Variants in NINL observed in about 807,000 individuals in gnomAD.
The protein encoded by NINL is ninein-like protein.
Under a neutral mutation model 160.3 loss-of-function variants are expected in NINL, and 153 were observed. That is an observed-to-expected ratio of 0.95 (90% CI 0.84 to 1.09). NINL has a LOEUF of 1.09. Among genes scored for constraint, NINL ranks in the 50% least tolerant of loss-of-function variants. NINL has a pLI of 0.00. For synonymous variants in NINL, 800 were observed against 734.8 expected, an observed-to-expected ratio of 1.09 and a Z score of -1.43; for missense variants, 1,829 against 1,764.0, an observed-to-expected ratio of 1.04 and a Z score of -0.66.
intron 2 of NINL, among the ~76,000 whole-genome samples, chr20:25,520,018 A>G (rs1271788857): frequency 2.3e-5 from 3 of 129,326 alleles, no homozygotes; most frequent in Non-Finnish European, 3.2e-5. Flanking sequence ...AAAAAAAAAA[A>G]GGCCAGAGAG....
At chr20:25,496,194 C>A (rs905326705) in intron 10 of NINL, among the ~76,000 whole-genome samples, 2 of 152,200 alleles carry the variant, frequency 1.3e-5, no homozygotes, top group Non-Finnish European at 2.9e-5. Flanking sequence ...TTTCTCTGGT[C>A]TATCCAGCCA....
intron 13 of NINL, among the ~76,000 whole-genome samples, chr20:25,487,682 A>G (rs1316248509): frequency 1.3e-5 from 2 of 152,268 alleles, no homozygotes; most frequent in Non-Finnish European, 2.9e-5. Flanking sequence ...CCTATGAAAG[A>G]ACCATGTGGT....
chr20:25,477,396 G>A (rs934579664), intron 16 of NINL, among the ~76,000 whole-genome samples: 1 of 152,210 alleles, frequency 6.6e-6, no homozygotes, highest in South Asian at 2.1e-4. Context: ...CCCCTCGGCC[G>A]TGCAGGCCAC....
chr20:25,542,673 C>T (rs1175089041), intron 1 of NINL, among the ~76,000 whole-genome samples: 1 of 107,960 alleles, frequency 9.3e-6, no homozygotes, highest in East Asian at 3.1e-4. Context: ...TGTTTCTTCA[C>T]TTCTCTAATA....
chr20:25,470,005 A>G lies in NINL; in HGVS notation c.3339T>C (p.Thr1113=). 2 of 1,614,032 alleles carry G rather than the reference A, an allele frequency of 1.2e-6. No homozygotes were observed. The highest frequency in any genetic ancestry group is 1.7e-6 in the Non-Finnish European group (2 of 1,179,874). Residue 1113 remains threonine, a synonymous_variant, in exon 18 of 24, where the codon ACT becomes ACC. Coordinates refer to ENST00000278886, the MANE Select transcript of NINL (RefSeq NM_025176.6). Reference sequence around the variant, plus strand: ...GTGGCCCTTACCTCTGTGCATCGTGAGTACTTTCTGCAGCTTCAAGCTCTT... The same window carrying G: ...GTGGCCCTTACCTCTGTGCATCGTGGGTACTTTCTGCAGCTTCAAGCTCTT... ...VRQELEAAES[T]HDAQRKEIEV... is the part of the protein sequence containing the mutation.
chr20:25,496,227 C>T (rs2063749628), intron 10 of NINL, among the ~76,000 whole-genome samples: 1 of 152,246 alleles, frequency 6.6e-6, no homozygotes, highest in Non-Finnish European at 1.5e-5. Flanking sequence ...ACTGTCCCCG[C>T]ATCGGGGTCA....
At chr20:25,523,442 G>A (rs940253904) in intron 2 of NINL, among the ~76,000 whole-genome samples, 2 of 151,844 alleles carry the variant, frequency 1.3e-5, no homozygotes, top group African/African-American at 2.4e-5. Context: ...CTGTAGAGAC[G>A]AGGTCTCACT....
intron 16 of NINL, among the ~76,000 whole-genome samples, chr20:25,477,590 T>C (rs1601073894): frequency 6.6e-6 from 1 of 152,338 alleles, no homozygotes; most frequent in East Asian, 1.9e-4. Flanking sequence ...AAGTGAGAGC[T>C]GGCAAGACCA....
At chr20:25,512,226 A>T (rs890411689) in intron 4 of NINL, among the ~76,000 whole-genome samples, 1 of 152,206 alleles carries the variant, frequency 6.6e-6, no homozygotes, top group Non-Finnish European at 1.5e-5. Context: ...GCTGGGCCTC[A>T]GTATAACTAA....
At chr20:25,567,272 T>C (rs2065007835) in intron 1 of NINL, among the ~76,000 whole-genome samples, 1 of 152,086 alleles carries the variant, frequency 6.6e-6, no homozygotes, top group Non-Finnish European at 1.5e-5. Flanking sequence ...AAGAACAGAA[T>C]CTTCAACAGC....
In NINL at chr20:25,476,790, A is replaced by C. The variant is rs1181006151; in HGVS notation, c.2501T>G (p.Leu834Arg). 1 of 1,612,576 alleles carries C rather than the reference A, an allele frequency of 6.2e-7. No homozygotes were observed. The highest frequency in any genetic ancestry group is 8.5e-7 in the Non-Finnish European group (1 of 1,179,914). Residue 834 changes from leucine (L) to arginine (R), a missense_variant, in exon 17 of 24, where the codon CTG becomes CGG. Leu to Arg is a moderately radical substitution (Grantham distance 102). Coordinates refer to ENST00000278886, the MANE Select transcript of NINL (RefSeq NM_025176.6). ...GCCCTCCTGGCCACTTCCTGCCACC[A>C]GCCCATCTTTCGGCAGGGCCTGCAT... ...AEMQALPKDG[L>R]VAGSGQEGTR...
intron 1 of NINL, among the ~76,000 whole-genome samples, chr20:25,549,902 A>G (rs778682347): frequency 7.9e-5 from 12 of 152,232 alleles, no homozygotes; most frequent in Admixed American, 2.6e-4. Flanking sequence ...CCTGCCATAC[A>G]CACGTCTGCA....
chr20:25,489,131 C>G, intron 13 of NINL, 113 bp downstream of exon 13: 1 of 1,057,504 alleles, frequency 9.5e-7, no homozygotes, highest in Non-Finnish European at 1.5e-6. Flanking sequence ...CAAGCATGGC[C>G]GCAAGCAGAG....
At chr20:25,547,184 T>C (rs530095849) in intron 1 of NINL, among the ~76,000 whole-genome samples, 14 of 152,280 alleles carry the variant, frequency 9.2e-5, no homozygotes, top group African/African-American at 3.1e-4. Flanking sequence ...TTTATATTAC[T>C]GAGGTGACTC....
chr20:25,566,911 C>T (rs866797411), intron 1 of NINL, among the ~76,000 whole-genome samples: 239 of 152,132 alleles, frequency 1.6e-3, no homozygotes, highest in African/African-American at 5.3e-3. Flanking sequence ...CCTACCACTT[C>T]GGGAGGTTGA....
intron 1 of NINL, among the ~76,000 whole-genome samples, chr20:25,528,000 A>G (rs1364097936): frequency 6.6e-6 from 1 of 152,246 alleles, no homozygotes; most frequent in Admixed American, 6.5e-5. Context: ...TATATGACAG[A>G]ATATTAAACA....
rs755156661 is a variant in NINL, at chr20:25,476,742, C to G, written c.2549G>C (p.Arg850Pro). 6.2e-7 allele frequency: 1 copy of G among 1,607,686 alleles called. No individual in the cohort carries two copies. The change falls in exon 17 of 24, where the codon CGT becomes CCT. Residue 850 changes from arginine (R) to proline (P), a missense_variant. Physicochemically the swap from Arg to Pro is moderately radical, Grantham distance 103. Coordinates refer to ENST00000278886, the MANE Select transcript of NINL (RefSeq NM_025176.6). ...CAGTGGCCGCTCCCCACAGCCCGGA[C>G]GCAGTGGTAGGAGGCCACGTGTGCC... Reference protein sequence around the residue: ...QEGTRGLLPLRPGCGERPLAW... With the variant: ...QEGTRGLLPLPPGCGERPLAW...
At chr20:25,498,423 T>A in intron 8 of NINL, 77 bp from the exon 9 acceptor site, 1 of 1,554,474 alleles carries the variant, frequency 6.4e-7, no homozygotes, top group Non-Finnish European at 8.7e-7. Flanking sequence ...CCCTCCCTGA[T>A]CCAGGGCCTA....
At chr20:25,462,990 C>G (rs537664916) in intron 19 of NINL, among the ~76,000 whole-genome samples, 1 of 152,302 alleles carries the variant, frequency 6.6e-6, no homozygotes, top group South Asian at 2.1e-4. Context: ...AAGCCAGCAG[C>G]TCAATTCATA....
Sources: gnomAD v4.1 joint callset for allele counts (sites outside exome capture counted in the v4.1 genomes callset) on GRCh38, gnomAD v4.1.1 for gene constraint, MANE v1.5 for transcripts, NCBI Gene and HGNC (gene_info 2026-07-23, HGNC 2026-07-21) for gene names.